Variants in FRMD4A observed in about 807,000 individuals in gnomAD.
FRMD4A encodes the protein FERM domain containing 4A.
A neutral mutation model predicts 129.1 loss-of-function variants in FRMD4A; 29 were observed. The ratio of observed to expected loss-of-function variants is 0.22; its 90% CI spans 0.17 to 0.31. The LOEUF is 0.31. FRMD4A is among the 10% of genes least tolerant of loss of function. The pLI is 1.00. For missense variants in FRMD4A, 1,272 were observed against 1,375.8 expected (o/e 0.92, Z 1.19); for synonymous variants, 634 against 571.6 (o/e 1.11, Z -1.56).
At chr10:13,932,385 A>C (rs757322046) in intron 2 of FRMD4A, among the ~76,000 whole-genome samples, 1 of 152,118 alleles carries the variant, frequency 6.6e-6, no homozygotes, top group Non-Finnish European at 1.5e-5. Context: ...CAGTGTCTAG[A>C]GTCTTCATCT....
chr10:13,951,365 G>A (rs1457485316), intron 2 of FRMD4A, among the ~76,000 whole-genome samples: 1 of 152,118 alleles, frequency 6.6e-6, no homozygotes, highest in Non-Finnish European at 1.5e-5. Flanking sequence ...GCAGGCTTGA[G>A]AGAACGTATT....
chr10:13,721,987 T>C (rs1317479917), intron 12 of FRMD4A, among the ~76,000 whole-genome samples: 1 of 152,112 alleles, frequency 6.6e-6, no homozygotes, highest in Non-Finnish European at 1.5e-5. Flanking sequence ...AGGGCAGAGC[T>C]CCTCTGGCTC....
chr10:14,086,505 C>T (rs1013264351), intron 2 of FRMD4A, among the ~76,000 whole-genome samples: 3 of 152,158 alleles, frequency 2.0e-5, no homozygotes, highest in Non-Finnish European at 4.4e-5. Flanking sequence ...TTATTTCCCA[C>T]TAACAGAATT....
intron 4 of FRMD4A, among the ~76,000 whole-genome samples, chr10:13,798,811 C>G (rs569536144): frequency 6.6e-6 from 1 of 152,212 alleles, no homozygotes. Context: ...CTGACTAGAA[C>G]ACAAGATCAG....
In FRMD4A at chr10:13,644,236, C is replaced by T. The variant is rs946096710; in HGVS notation, c.*2802G>A. Reference sequence around the variant, plus strand: ...AAACAGGCAATTTCTTTTACGCATCCGAAGAATCCAATAGGGGCTTTATAT... The same window carrying T: ...AAACAGGCAATTTCTTTTACGCATCTGAAGAATCCAATAGGGGCTTTATAT... On this transcript the variant is annotated 3_prime_UTR_variant, in exon 25 of 25. Transcript: ENST00000357447. The T allele has an allele frequency of 3.9e-5, 6 of 152,164 alleles. No homozygotes were observed. Among genetic ancestry groups the T allele is most frequent in the South Asian group, 2.1e-4 (1 of 4,834 alleles). 9.4% of individuals were successfully genotyped at this position (152,164 alleles called of 1,614,324 possible).
Position 13,979,951 on chromosome 10 carries a change from G to A in FRMD4A, c.46-121039C>T, listed in dbSNP as rs74635920. ...CTTCTCATGTTGGCTTCTCAAGAGC[G>A]GGTCTATGAGCACCCCATTCCCTTT... On this transcript the variant is annotated intron_variant, in intron 2 of 24. Transcript: ENST00000357447. Among the ~76,000 whole-genome samples, 324 of 152,244 alleles carry A rather than the reference G, an allele frequency of 2.1e-3. 4 individuals carry two copies. The highest frequency in any genetic ancestry group is 7.7e-3 in the African/African-American group (318 of 41,538).
chr10:14,105,408 C>CAACAATA (rs1564295761), intron 2 of FRMD4A, among the ~76,000 whole-genome samples: 2 of 151,610 alleles, frequency 1.3e-5, no homozygotes, highest in African/African-American at 4.9e-5. Flanking sequence ...TCCACAAAAA[C>CAACAATA]AAAAATAAAA....
intron 2 of FRMD4A, among the ~76,000 whole-genome samples, chr10:14,231,152 C>T (rs904797969): frequency 4.6e-5 from 7 of 152,246 alleles, no homozygotes; most frequent in Admixed American, 3.3e-4. Flanking sequence ...AATAGGATTG[C>T]TGGGTCAAAT....
chr10:14,033,315 A>G (rs1373652330), intron 2 of FRMD4A, among the ~76,000 whole-genome samples: 1 of 152,164 alleles, frequency 6.6e-6, no homozygotes, highest in Non-Finnish European at 1.5e-5. Flanking sequence ...TCAAAAAAAA[A>G]AAAAAAATTA....
chr10:14,088,661 G>C (rs539270896), intron 2 of FRMD4A, among the ~76,000 whole-genome samples: 52 of 151,860 alleles, frequency 3.4e-4, no homozygotes, highest in African/African-American at 1.2e-3. Flanking sequence ...CCAGGTACTT[G>C]GGAGGCTGAG....
At chr10:13,919,811 G>A (rs181265129) in intron 2 of FRMD4A, among the ~76,000 whole-genome samples, 1 of 152,176 alleles carries the variant, frequency 6.6e-6, no homozygotes, top group East Asian at 1.9e-4. Context: ...GGTGGCATGT[G>A]CCTGTAATCC....
intron 2 of FRMD4A, among the ~76,000 whole-genome samples, chr10:14,282,406 C>T (rs1845550690): frequency 2.0e-5 from 3 of 152,196 alleles, no homozygotes; most frequent in Admixed American, 2.0e-4. Context: ...ATTCATCTAT[C>T]CTTCCAGAAG....
At chr10:14,265,908 G>T (rs1233070674) in intron 2 of FRMD4A, among the ~76,000 whole-genome samples, 2 of 152,116 alleles carry the variant, frequency 1.3e-5, no homozygotes, top group African/African-American at 4.8e-5. Context: ...TTTGTGTTGG[G>T]CAAATGCTTC....
At chr10:13,847,697 A>T in intron 3 of FRMD4A, among the ~76,000 whole-genome samples, 1 of 152,206 alleles carries the variant, frequency 6.6e-6, no homozygotes, top group South Asian at 2.1e-4. Flanking sequence ...AGCAGAGCTG[A>T]GGAAGAACAC....
At chr10:13,691,001 TGA>T (rs1382940278) in intron 15 of FRMD4A, among the ~76,000 whole-genome samples, 5 of 152,156 alleles carry the variant, frequency 3.3e-5, no homozygotes, top group African/African-American at 9.7e-5. Flanking sequence ...TGTGTGTGTG[TGA>T]GAGAGACACA....
intron 2 of FRMD4A, among the ~76,000 whole-genome samples, chr10:14,086,275 A>G (rs1836271024): frequency 6.6e-6 from 1 of 152,234 alleles, no homozygotes; most frequent in Non-Finnish European, 1.5e-5. Context: ...CAAATGTACA[A>G]GCCCACTTGT....
At chr10:13,701,548 T>G in intron 13 of FRMD4A, 70 bp from the exon 14 acceptor site, 1 of 1,476,558 alleles carries the variant, frequency 6.8e-7, no homozygotes, top group Non-Finnish European at 9.3e-7. Flanking sequence ...GTCAACAGCT[T>G]CTGTAGAGAA....
At chr10:13,650,398 A>G (rs561834784) in intron 24 of FRMD4A, among the ~76,000 whole-genome samples, 1 of 152,102 alleles carries the variant, frequency 6.6e-6, no homozygotes, top group South Asian at 2.1e-4. Context: ...CTGCATGTGC[A>G]CATGTATGCA....
At chr10:14,290,755 T>C (rs906125881) in intron 2 of FRMD4A, among the ~76,000 whole-genome samples, 5 of 151,980 alleles carry the variant, frequency 3.3e-5, no homozygotes, top group Non-Finnish European at 7.4e-5. Context: ...ACTAAAAAGC[T>C]CTGCATAGCA....
Sources: gnomAD v4.1 joint callset for allele counts (sites outside exome capture counted in the v4.1 genomes callset) on GRCh38, gnomAD v4.1.1 for gene constraint, MANE v1.5 for transcripts, NCBI Gene and HGNC (gene_info 2026-07-23, HGNC 2026-07-21) for gene names.